SLC39A11: variants seen among roughly 807,000 people sequenced by gnomAD.
The protein encoded by SLC39A11 is solute carrier family 39 member 11, also known as zinc transporter ZIP11.
SLC39A11 carries 33 observed loss-of-function variants against 36.1 expected under a neutral mutation model. The ratio of observed to expected loss-of-function variants is 0.91; its 90% confidence interval spans 0.69 to 1.22. The LOEUF is 1.22. Among genes scored for constraint, SLC39A11 ranks in the 50% most tolerant of loss-of-function variants. The pLI is 0.00. For missense variants in SLC39A11, 432 were observed against 430.3 expected (o/e 1.00, Z -0.03); for synonymous variants, 166 against 170.3 (o/e 0.97, Z 0.20).
At chr17:72,789,644 C>T (rs2076636757) in intron 6 of SLC39A11, among the ~76,000 whole-genome samples, 2 of 152,206 alleles carry the variant, frequency 1.3e-5, no homozygotes, top group Admixed American at 1.3e-4. Context: ...AAACATAGAA[C>T]AACAACCTGA....
intron 4 of SLC39A11, among the ~76,000 whole-genome samples, chr17:72,950,384 G>A (rs1383409289): frequency 6.6e-6 from 1 of 152,184 alleles, no homozygotes; most frequent in Non-Finnish European, 1.5e-5. Flanking sequence ...CCAGAATCCT[G>A]GGAACAGAGA....
intron 6 of SLC39A11, among the ~76,000 whole-genome samples, chr17:72,811,405 C>A (rs1002238949): frequency 3.3e-5 from 5 of 152,210 alleles, no homozygotes; most frequent in African/African-American, 1.2e-4. Context: ...TACAAACATT[C>A]AGGCCATGGC....
intron 3 of SLC39A11, 95 bp from the exon 4 acceptor site, chr17:73,031,809 T>C: frequency 7.9e-7 from 1 of 1,272,014 alleles, no homozygotes; most frequent in Non-Finnish European, 1.1e-6. Context: ...GATTGACCCC[T>C]ACAATTTCAC....
In SLC39A11 at chr17:73,000,237, CTCT is replaced by C. The variant is rs979018382; in HGVS notation, c.306+31316_306+31318del. ...TCCATTTCTCCCCTCCCCCATTCCC[CTCT>C]TCTTCTCCTTCTCCCTCTCCTCTCA... On this transcript the variant is annotated intron_variant, in intron 4 of 9. Transcript: ENST00000255559. Among the ~76,000 whole-genome samples, 11 of 142,322 alleles carry C rather than the reference CTCT, an allele frequency of 7.7e-5. No individual in the cohort carries two copies. The East Asian group carries it at 1.2e-3, about 15-fold the overall frequency. 93.4% of individuals were successfully genotyped at this position (142,322 alleles called of 152,430 possible).
At chr17:73,041,148 C>A (rs923828373) in intron 3 of SLC39A11, among the ~76,000 whole-genome samples, 1 of 152,022 alleles carries the variant, frequency 6.6e-6, no homozygotes, top group African/African-American at 2.4e-5. Flanking sequence ...ACAGAATGTA[C>A]GTTGTAGGGC....
At chr17:72,813,034 G>C (rs1047003675) in intron 6 of SLC39A11, among the ~76,000 whole-genome samples, 1 of 152,170 alleles carries the variant, frequency 6.6e-6, no homozygotes, top group Non-Finnish European at 1.5e-5. Context: ...GAATGACACA[G>C]GGGCAGAAAA....
chr17:72,811,068 C>CA (rs10707741), intron 6 of SLC39A11, among the ~76,000 whole-genome samples: 4,634 of 141,854 alleles, frequency 0.033, 65 homozygotes, highest in African/African-American at 0.038. Context: ...TGAATAAAAG[C>CA]AAAAAAAAAA....
intron 7 of SLC39A11, among the ~76,000 whole-genome samples, chr17:72,691,275 G>C (rs2072014583): frequency 6.6e-6 from 1 of 152,156 alleles, no homozygotes; most frequent in Admixed American, 6.5e-5. Context: ...GCATTTCCTA[G>C]AGGTGACTTT....
At chr17:72,971,336 ACTCTCT>A (rs369016332) in intron 4 of SLC39A11, among the ~76,000 whole-genome samples, 11 of 143,498 alleles carry the variant, frequency 7.7e-5, no homozygotes, top group Non-Finnish European at 7.7e-5. Context: ...ACACACACAC[ACTCTCT>A]CTCTCTCTCT....
chr17:72,805,131 G>A (rs554703082), intron 6 of SLC39A11, among the ~76,000 whole-genome samples: 61 of 152,204 alleles, frequency 4.0e-4, no homozygotes, highest in African/African-American at 1.4e-3. Flanking sequence ...TTCTTATACC[G>A]CCCTCCTGTG....
intron 3 of SLC39A11, among the ~76,000 whole-genome samples, chr17:73,074,769 C>T (rs1568231430): frequency 6.6e-6 from 1 of 152,192 alleles, no homozygotes; most frequent in Non-Finnish European, 1.5e-5. Context: ...CAAAAGCAGA[C>T]TTAGCCAAAA....
At chr17:72,919,573 G>A (rs915937942) in intron 5 of SLC39A11, among the ~76,000 whole-genome samples, 6 of 151,396 alleles carry the variant, frequency 4.0e-5, no homozygotes, top group African/African-American at 1.5e-4. Flanking sequence ...TCGGGGGGCT[G>A]AGGCAGGAGA....
chr17:72,883,847 A>G (rs1261255199), intron 5 of SLC39A11, among the ~76,000 whole-genome samples: 2 of 152,284 alleles, frequency 1.3e-5, no homozygotes, highest in African/African-American at 4.8e-5. Context: ...CTTTAATCCA[A>G]TTCTGCCCAT....
intron 6 of SLC39A11, among the ~76,000 whole-genome samples, chr17:72,820,813 G>A (rs2077746733): frequency 6.6e-6 from 1 of 151,126 alleles, no homozygotes; most frequent in Non-Finnish European, 1.5e-5. Flanking sequence ...GACAGAGGAG[G>A]AAAGGGAGGA....
chr17:72,756,522 A>G (rs2075367933), intron 6 of SLC39A11, among the ~76,000 whole-genome samples: 1 of 152,272 alleles, frequency 6.6e-6, no homozygotes, highest in Non-Finnish European at 1.5e-5. Flanking sequence ...TGAGTGAAAT[A>G]AGCCAATCAC....
At chr17:72,764,410 CCCTAATTTCCCTTGGT>C (rs1475731434) in intron 6 of SLC39A11, among the ~76,000 whole-genome samples, 1 of 152,066 alleles carries the variant, frequency 6.6e-6, no homozygotes, top group Non-Finnish European at 1.5e-5. Flanking sequence ...GTCTCCCCAC[CCCTAATTTCCCTTGGT>C]TCATCAGAAT....
At chr17:73,054,880 A>G (rs1312962428) in intron 3 of SLC39A11, among the ~76,000 whole-genome samples, 1 of 152,106 alleles carries the variant, frequency 6.6e-6, no homozygotes, top group African/African-American at 2.4e-5. Flanking sequence ...GGGCTTATCA[A>G]TCCCATCGTG....
chr17:72,734,681 C>G lies in SLC39A11; in HGVS notation c.671+1969G>C, dbSNP rs8072315. Among the ~76,000 whole-genome samples, 742 of 152,336 alleles carry G rather than the reference C, an allele frequency of 4.9e-3. 5 individuals carry two copies. Among genetic ancestry groups the G allele is most frequent in the African/African-American group, 0.017 (713 of 41,572 alleles). Reference sequence around the variant, plus strand: ...CTGGCAGAAAGTGCAGGTGACAGAACAGAAGAACATCGGAGTTGACATGAT... The same window carrying G: ...CTGGCAGAAAGTGCAGGTGACAGAAGAGAAGAACATCGGAGTTGACATGAT... On this transcript the variant is annotated intron_variant, in intron 7 of 9. Coordinates refer to ENST00000255559, the MANE Select transcript of SLC39A11 (RefSeq NM_139177.4).
chr17:72,999,300 C>A lies in SLC39A11; in HGVS notation c.306+32256G>T, dbSNP rs1264840348. Among the ~76,000 whole-genome samples the A allele has an allele frequency of 4.6e-5, 7 of 152,338 alleles. No individual in the cohort carries two copies. The East Asian group carries it at 1.3e-3, about 29-fold the overall frequency. On this transcript the variant is annotated intron_variant, in intron 4 of 9. Coordinates refer to ENST00000255559, the MANE Select transcript of SLC39A11 (RefSeq NM_139177.4). ...GCCATCCTCAAAAATTTACATCTCTCCCCAGCCATCTCTTTGTCTGGAATG... is the reference window on the plus strand; with the variant it reads ...GCCATCCTCAAAAATTTACATCTCTACCCAGCCATCTCTTTGTCTGGAATG...
Sources: gnomAD v4.1 joint callset for allele counts (sites outside exome capture counted in the v4.1 genomes callset) on GRCh38, gnomAD v4.1.1 for gene constraint, MANE v1.5 for transcripts, NCBI Gene and HGNC (gene_info 2026-07-23, HGNC 2026-07-21) for gene names.